Variants in TCF20 observed in about 807,000 individuals in gnomAD.
The protein encoded by TCF20 is transcription factor 20.
Under a neutral mutation model 148.6 loss-of-function variants are expected in TCF20, and 3 were observed. The observed-to-expected ratio is 0.02, with a 90% confidence interval of 0.01 to 0.05. TCF20 has a LOEUF of 0.05. Ranked by LOEUF, TCF20 falls within the 10% of genes least tolerant of loss-of-function variation. TCF20 has a pLI of 1.00. For synonymous variants in TCF20, 1,049 were observed against 909.5 expected (o/e 1.15, Z -2.76); for missense variants, 2,350 against 2,429.3 (o/e 0.97, Z 0.69).
intron 1 of TCF20, among the ~76,000 whole-genome samples, chr22:42,216,079 CTTTTTTTT>C (rs759118027): frequency 0.032 from 1,632 of 50,568 alleles, 81 homozygotes; most frequent in African/African-American, 0.13. Context: ...AAACCAAATC[CTTTTTTTT>C]TTTTTTTTTT....
intron 2 of TCF20, among the ~76,000 whole-genome samples, chr22:42,192,118 T>A (rs1279327923): frequency 6.6e-6 from 1 of 152,216 alleles, no homozygotes; most frequent in Non-Finnish European, 1.5e-5. Context: ...ACTCTTGGTG[T>A]AAGCTGCTTC....
intron 5 of TCF20, among the ~76,000 whole-genome samples, chr22:42,164,170 G>C (rs1935631896): frequency 6.6e-6 from 1 of 151,604 alleles, no homozygotes; most frequent in African/African-American, 2.4e-5. Flanking sequence ...CGATGGTCAG[G>C]GTCCAAGAGC....
At chr22:42,241,845 A>T (rs1924433076) in intron 1 of TCF20, among the ~76,000 whole-genome samples, 1 of 152,024 alleles carries the variant, frequency 6.6e-6, no homozygotes, top group Non-Finnish European at 1.5e-5. Context: ...AAAAAAACGC[A>T]GATTAGTCAA....
At chr22:42,250,530 A>G (rs1050203278) in intron 1 of TCF20, among the ~76,000 whole-genome samples, 3 of 152,016 alleles carry the variant, frequency 2.0e-5, no homozygotes, top group Non-Finnish European at 2.9e-5. Context: ...AAATTCAACA[A>G]TATCTCTGCT....
chr22:42,328,358 G>C (rs1276840342), intron 1 of TCF20, among the ~76,000 whole-genome samples: 2 of 152,192 alleles, frequency 1.3e-5, no homozygotes, highest in Non-Finnish European at 2.9e-5. Flanking sequence ...GGCGCCCTCA[G>C]GGTCCAGGCA....
At chr22:42,221,930 G>A (rs1922411155) in intron 1 of TCF20, among the ~76,000 whole-genome samples, 1 of 151,814 alleles carries the variant, frequency 6.6e-6, no homozygotes, top group African/African-American at 2.4e-5. Context: ...AGTAGAGACA[G>A]GGTTTCACCG....
At chr22:42,217,127 G>A (rs1013239193) in intron 1 of TCF20, among the ~76,000 whole-genome samples, 1 of 152,116 alleles carries the variant, frequency 6.6e-6, no homozygotes, top group Non-Finnish European at 1.5e-5. Context: ...CCAATCCCTG[G>A]AGTGGCTCCC....
chr22:42,343,314 G>T (rs571618793), intron 1 of TCF20, among the ~76,000 whole-genome samples: 1 of 152,144 alleles, frequency 6.6e-6, no homozygotes, highest in South Asian at 2.1e-4. Flanking sequence ...CGCGCGATAA[G>T]TGCCAGCCTT....
At chr22:42,328,230 G>A (rs1449650832) in intron 1 of TCF20, among the ~76,000 whole-genome samples, 1 of 151,948 alleles carries the variant, frequency 6.6e-6, no homozygotes, top group Non-Finnish European at 1.5e-5. Flanking sequence ...CTGCCCACGT[G>A]TCCGCTCCAG....
intron 3 of TCF20, among the ~76,000 whole-genome samples, chr22:42,171,543 C>G (rs1247046235): frequency 3.3e-5 from 5 of 152,144 alleles, no homozygotes; most frequent in Non-Finnish European, 4.4e-5. Context: ...CTTCTTGGCT[C>G]CGTGGGCCCA....
At chr22:42,242,354 GAT>G (rs1924516075) in intron 1 of TCF20, among the ~76,000 whole-genome samples, 1 of 151,798 alleles carries the variant, frequency 6.6e-6, no homozygotes, top group Non-Finnish European at 1.5e-5. Context: ...ACAAATAAGA[GAT>G]ATCACCAAAG....
At position 42,281,056 on chromosome 22, in the gene TCF20, C is replaced by T. The variant is rs572109820; in HGVS notation, c.-37+2771G>A. Among the ~76,000 whole-genome samples, 255 of 152,232 alleles carry T rather than the reference C, an allele frequency of 1.7e-3. 1 individual carries two copies. The highest frequency in any genetic ancestry group is 0.014 in the Middle Eastern group (4 of 294). On this transcript the variant is annotated intron_variant, in intron 1 of 5. Transcript: ENST00000359486. Reference sequence around the variant, plus strand: ...GGGGACTAGCCACCCCAGTCTCCCACAGGAGCCTCCAGTCATCTCGGGGTC... The same window carrying T: ...GGGGACTAGCCACCCCAGTCTCCCATAGGAGCCTCCAGTCATCTCGGGGTC...
intron 1 of TCF20, among the ~76,000 whole-genome samples, chr22:42,256,626 T>C (rs1165235970): frequency 6.6e-6 from 1 of 152,196 alleles, no homozygotes; most frequent in Admixed American, 6.5e-5. Context: ...ATTCCTGCTA[T>C]ATTTAAACTC....
intron 3 of TCF20, 95 bp from the exon 4 acceptor site, chr22:42,169,991 A>G: frequency 3.1e-6 from 4 of 1,273,102 alleles, no homozygotes; most frequent in South Asian, 2.5e-5. Context: ...ACATAAAGGT[A>G]GCAGGTCGCT....
chr22:42,323,944 A>ATGGAGGTTATGGCGGTGGTGGTGGTGG (rs1927798936), intron 1 of TCF20, among the ~76,000 whole-genome samples: 1 of 12,414 alleles, frequency 8.1e-5, no homozygotes, highest in Non-Finnish European at 1.7e-4. Context: ...GGTGGTGGTG[A>ATGGAGGTTATGGCGGTGGTGGTGGTGG]TGGAGGTTAT....
At position 42,242,227 on chromosome 22, in the gene TCF20, A is replaced by AAAAAAAAAAAAAAAAAAAAAAAAT. The variant is rs1491280192; in HGVS notation, c.-36-26887_-36-26886insATTTTTTTTTTTTTTTTTTTTTTT. Among the ~76,000 whole-genome samples, 24 of 122,760 alleles carry AAAAAAAAAAAAAAAAAAAAAAAAT rather than the reference A, an allele frequency of 2.0e-4. 1 individual carries two copies. Among genetic ancestry groups the AAAAAAAAAAAAAAAAAAAAAAAAT allele is most frequent in the South Asian group, 5.1e-4 (2 of 3,958 alleles). 80.5% of individuals were successfully genotyped at this position (122,760 alleles called of 152,430 possible). On this transcript the variant is annotated intron_variant, in intron 1 of 5. Transcript: ENST00000677622. ...CAAAAAAAAAAAAAAAAAAAAAAAAACAGAAAAGAAAGGGTGACTACAAGG... is the reference window on the plus strand; with the variant it reads ...CAAAAAAAAAAAAAAAAAAAAAAAAAAAAAAAAAAAAAAAAAAAAAAAATCAGAAAAGAAAGGGTGACTACAAGG...
At position 42,292,127 on chromosome 22, in the gene TCF20, C is replaced by T. The variant is rs190629800; in HGVS notation, c.-37+51352G>A. On this transcript the variant is annotated intron_variant, in intron 1 of 1. Transcript: ENST00000515426. This position sits in a 1 kb window ranked among gnomAD's most constrained non-coding sequence, Gnocchi z 4.9. ...CACTCCCATTTCTTAGATAAAGAAA[C>T]TTAGCACAGCACCCATAGGCCCTCC... 6.6e-6 allele frequency among the ~76,000 whole-genome samples: 1 copy of T among 152,182 alleles called. No homozygotes were observed. The highest frequency in any genetic ancestry group is 1.5e-5 in the Non-Finnish European group (1 of 68,034).
chr22:42,208,536 G>A (rs74826512), intron 2 of TCF20, among the ~76,000 whole-genome samples: 486 of 152,206 alleles, frequency 3.2e-3, no homozygotes, highest in African/African-American at 0.011. Context: ...CCCAGAGTTC[G>A]AGAATGCAGT....
At chr22:42,291,714 C>T (rs183314260) in intron 1 of TCF20, among the ~76,000 whole-genome samples, 77 of 152,122 alleles carry the variant, frequency 5.1e-4, no homozygotes, top group Admixed American at 1.5e-3. Flanking sequence ...GATCCTGACC[C>T]GGCTGCCTGG....
Sources: gnomAD v4.1 joint callset for allele counts (sites outside exome capture counted in the v4.1 genomes callset) on GRCh38, gnomAD v4.1.1 for gene constraint, Gnocchi (gnomAD v3.1) non-coding constraint, MANE v1.5 for transcripts, NCBI Gene and HGNC (gene_info 2026-07-23, HGNC 2026-07-21) for gene names.